Variants in ZNF148 observed in about 807,000 individuals in gnomAD.
ZNF148 encodes the protein Beta-Enolase Repressor Factor-1.
A neutral mutation model predicts 67.7 loss-of-function variants in ZNF148; 7 were observed. The ratio of observed to expected loss-of-function variants is 0.10; its 90% CI spans 0.06 to 0.19. ZNF148 has a LOEUF of 0.19. ZNF148 is among the 10% of genes least tolerant of loss of function. The pLI is 1.00. For missense variants in ZNF148, 583 were observed against 947.1 expected (o/e 0.62, Z 5.05); for synonymous variants, 333 against 330.7 (o/e 1.01, Z -0.08).
intron 4 of ZNF148, among the ~76,000 whole-genome samples, chr3:125,294,066 A>AG (rs1939162077): frequency 6.6e-6 from 1 of 152,194 alleles, no homozygotes; most frequent in Non-Finnish European, 1.5e-5. Flanking sequence ...TGATGCACTG[A>AG]GGGGGACACA....
chr3:125,263,482 C>A (rs990944359), intron 7 of ZNF148, among the ~76,000 whole-genome samples: 1 of 151,504 alleles, frequency 6.6e-6, no homozygotes, highest in African/African-American at 2.4e-5. Flanking sequence ...ACCCGGGAGA[C>A]TGAGGTTGCA....
At chr3:125,339,643 C>T (rs1043663114) in intron 1 of ZNF148, among the ~76,000 whole-genome samples, 3 of 152,046 alleles carry the variant, frequency 2.0e-5, no homozygotes, top group Non-Finnish European at 4.4e-5. Context: ...GTAAACAAGG[C>T]TGTACATTTT....
At chr3:125,329,861 CTGAA>C (rs1316409633) in intron 2 of ZNF148, among the ~76,000 whole-genome samples, 1 of 151,874 alleles carries the variant, frequency 6.6e-6, no homozygotes, top group African/African-American at 2.4e-5. Flanking sequence ...TTTAATATTA[CTGAA>C]TAATATGGTG....
At chr3:125,244,123 T>C (rs964089759) in intron 7 of ZNF148, among the ~76,000 whole-genome samples, 6 of 152,166 alleles carry the variant, frequency 3.9e-5, no homozygotes, top group African/African-American at 2.4e-5. Context: ...CACAAAATGA[T>C]AATTTTCCCC....
intron 7 of ZNF148, among the ~76,000 whole-genome samples, chr3:125,267,947 C>T (rs1195049059): frequency 6.6e-6 from 1 of 151,892 alleles, no homozygotes; most frequent in Non-Finnish European, 1.5e-5. Context: ...AAATCAAGAA[C>T]ATAATCCCAT....
At chr3:125,359,239 C>T (rs1942462231) in intron 1 of ZNF148, among the ~76,000 whole-genome samples, 1 of 152,196 alleles carries the variant, frequency 6.6e-6, no homozygotes, top group East Asian at 1.9e-4. Flanking sequence ...GGTGGCTAAA[C>T]AGATGTAGAA....
In ZNF148 at chr3:125,232,301, G is replaced by A. The variant is rs774976910; in HGVS notation, c.*40C>T. ...GAGTAACCCCACTCTTGATTAATCTGTTCTAAAGTGCCAGTATTATTTACA... is the reference window on the plus strand; with the variant it reads ...GAGTAACCCCACTCTTGATTAATCTATTCTAAAGTGCCAGTATTATTTACA... On this transcript the variant is annotated 3_prime_UTR_variant, in exon 9 of 9. Transcript: ENST00000360647. This position sits in a 1 kb window ranked among gnomAD's most constrained non-coding sequence, Gnocchi z 4.2. 1 of 1,556,974 alleles carries A rather than the reference G, an allele frequency of 6.4e-7. No homozygotes were observed. The highest frequency in any genetic ancestry group is 1.2e-5 in the South Asian group (1 of 82,530).
At chr3:125,294,045 T>C (rs558211913) in intron 4 of ZNF148, among the ~76,000 whole-genome samples, 4 of 152,324 alleles carry the variant, frequency 2.6e-5, no homozygotes, top group African/African-American at 9.6e-5. Context: ...CCACATTATG[T>C]GCCCCCGATA....
At chr3:125,253,536 T>C (rs1410458225) in intron 7 of ZNF148, among the ~76,000 whole-genome samples, 2 of 152,160 alleles carry the variant, frequency 1.3e-5, no homozygotes, top group African/African-American at 4.8e-5. Context: ...AAAATTTTAG[T>C]ATTTCACCAT....
chr3:125,315,579 C>T (rs1319287636), intron 3 of ZNF148, among the ~76,000 whole-genome samples: 2 of 151,550 alleles, frequency 1.3e-5, no homozygotes, highest in African/African-American at 2.4e-5. Context: ...CATGATGGTG[C>T]ATGCCTGTAG....
At chr3:125,368,562 C>T (rs910067804) in intron 1 of ZNF148, among the ~76,000 whole-genome samples, 11 of 152,234 alleles carry the variant, frequency 7.2e-5, no homozygotes, top group Admixed American at 4.6e-4. Context: ...GACTAACCTT[C>T]AGCATTTCTA....
At chr3:125,247,030 A>G (rs1936631805) in intron 7 of ZNF148, among the ~76,000 whole-genome samples, 1 of 152,240 alleles carries the variant, frequency 6.6e-6, no homozygotes, top group South Asian at 2.1e-4. Flanking sequence ...GAATATAAAA[A>G]CTGAGAAGCT....
At chr3:125,342,356 C>CAA (rs759027099) in intron 1 of ZNF148, among the ~76,000 whole-genome samples, 2 of 55,344 alleles carry the variant, frequency 3.6e-5, no homozygotes, top group African/African-American at 2.7e-4. Flanking sequence ...AAAAAAAAGA[C>CAA]AAAAAAAAAA....
intron 1 of ZNF148, among the ~76,000 whole-genome samples, chr3:125,341,777 G>A (rs1022128571): frequency 5.9e-5 from 9 of 151,910 alleles, no homozygotes; most frequent in South Asian, 2.1e-4. Context: ...GGTGGATTAC[G>A]TGAGCTTAGG....
At chr3:125,373,013 A>T (rs1315389382) in intron 1 of ZNF148, among the ~76,000 whole-genome samples, 2 of 152,096 alleles carry the variant, frequency 1.3e-5, no homozygotes, top group African/African-American at 4.8e-5. Context: ...TAGAAAGACA[A>T]TAATGACATA....
intron 7 of ZNF148, among the ~76,000 whole-genome samples, chr3:125,265,556 T>C (rs1239081901): frequency 6.6e-6 from 1 of 152,218 alleles, no homozygotes; most frequent in Non-Finnish European, 1.5e-5. Flanking sequence ...CAACAAGATT[T>C]TTCTATTGGG....
chr3:125,336,675 AC>A (rs1464071733), intron 1 of ZNF148, among the ~76,000 whole-genome samples: 1 of 46,826 alleles, frequency 2.1e-5, no homozygotes, highest in Non-Finnish European at 4.3e-5. Flanking sequence ...CCCAGAAATC[AC>A]CTTTTTTTTT....
At chr3:125,315,935 T>C (rs1940469940) in intron 3 of ZNF148, among the ~76,000 whole-genome samples, 1 of 152,206 alleles carries the variant, frequency 6.6e-6, no homozygotes. Context: ...CCTATTGTGC[T>C]ATCAAATAGT....
intron 1 of ZNF148, chr3:125,344,654 G>T: frequency 1.5e-6 from 1 of 677,696 alleles, no homozygotes. Context: ...ACATGCCTCA[G>T]CCACTTGTTT....
Sources: allele counts gnomAD v4.1 joint callset (sites outside exome capture counted in the v4.1 genomes callset), GRCh38; gene constraint gnomAD v4.1.1; non-coding constraint Gnocchi (gnomAD v3.1); transcripts MANE v1.5; gene names NCBI Gene and HGNC (gene_info 2026-07-23, HGNC 2026-07-21).